The following ZBTB41 variants were observed in gnomAD, a reference collection of about 807,000 sequenced individuals.
ZBTB41 encodes zinc finger and BTB domain-containing protein 41.
A neutral mutation model predicts 87.6 loss-of-function variants in ZBTB41; 42 were observed. The observed-to-expected ratio is 0.48, with a 90% confidence interval of 0.37 to 0.62. The LOEUF (loss-of-function observed/expected upper bound fraction) is 0.62, where lower values mean the gene tolerates loss of function less well. ZBTB41 is among the 20% of genes least tolerant of loss of function. The pLI is 0.00. For missense variants in ZBTB41, 799 were observed against 1,078.9 expected, an observed-to-expected ratio of 0.74 and a Z score of 3.63; for synonymous variants, 364 against 364.0, an observed-to-expected ratio of 1.00 and a Z score of 0.00.
chr1:197,188,854 GGTCA>G (rs1342602903), intron 4 of ZBTB41, among the ~76,000 whole-genome samples: 8 of 152,108 alleles, frequency 5.3e-5, no homozygotes, highest in Non-Finnish European at 1.5e-5. Flanking sequence ...CTCTTGAAGT[GGTCA>G]GTCTAAAAAT....
In ZBTB41 at chr1:197,155,694, C is replaced by T. The variant is rs1211941613; in HGVS notation, c.*3665G>A. 1 of 152,386 alleles carries T rather than the reference C, an allele frequency of 6.6e-6. No individual in the cohort carries two copies. The highest frequency in any genetic ancestry group is 6.6e-5 in the Admixed American group (1 of 15,264). 9.4% of individuals were successfully genotyped at this position (152,386 alleles called of 1,614,324 possible). A position where few individuals can be genotyped will look rare whatever the true frequency, so the allele number is the denominator to read the frequency against. Reference sequence around the variant, plus strand: ...GAGTCACCCTACAAAGATGCTTTGACACTTTTTAAGGTTGATAGAAAATTA... The same window carrying T: ...GAGTCACCCTACAAAGATGCTTTGATACTTTTTAAGGTTGATAGAAAATTA... On this transcript the variant is annotated 3_prime_UTR_variant, in exon 11 of 11. Transcript: ENST00000367405.
At chr1:197,178,203 G>A (rs1332893475) in intron 7 of ZBTB41, among the ~76,000 whole-genome samples, 1 of 151,404 alleles carries the variant, frequency 6.6e-6, no homozygotes, top group Non-Finnish European at 1.5e-5. Flanking sequence ...CTGCAAACTT[G>A]GTGTGAGAAA....
intron 5 of ZBTB41, among the ~76,000 whole-genome samples, chr1:197,187,649 T>A (rs142772784): frequency 3.7e-4 from 56 of 152,268 alleles, no homozygotes; most frequent in Non-Finnish European, 7.5e-4. Flanking sequence ...TCCACAGACA[T>A]GGCACTTATA....
intron 6 of ZBTB41, among the ~76,000 whole-genome samples, chr1:197,179,296 G>T (rs555001525): frequency 6.6e-6 from 1 of 151,968 alleles, no homozygotes; most frequent in Non-Finnish European, 1.5e-5. Flanking sequence ...AGATTACAAC[G>T]GAGCTACACA....
At chr1:197,169,190 T>C (rs553806245) in intron 10 of ZBTB41, among the ~76,000 whole-genome samples, 2 of 152,098 alleles carry the variant, frequency 1.3e-5, no homozygotes, top group Admixed American at 6.5e-5. Flanking sequence ...AAGTAGAACA[T>C]ATGCATATCC....
intron 10 of ZBTB41, among the ~76,000 whole-genome samples, chr1:197,161,600 G>A (rs1408251612): frequency 1.2e-5 from 1 of 83,418 alleles, no homozygotes; most frequent in Non-Finnish European, 2.7e-5. Flanking sequence ...CATTAGAGAG[G>A]CAGTGAGACA....
Position 197,159,592 on chromosome 1 carries a change from G to C in ZBTB41, c.2497C>G (p.Pro833Ala), listed in dbSNP as rs142672827. The change falls in exon 11 of 11, where the codon CCA becomes GCA. Residue 833 changes from proline (P) to alanine (A), a missense_variant. Physicochemically the swap from Pro to Ala is conservative, Grantham distance 27. Coordinates refer to ENST00000367405, the MANE Select transcript of ZBTB41 (RefSeq NM_194314.3). ...DLVRHTTTLPPSSHEILSPQP... is the reference protein window; with the variant it reads ...DLVRHTTTLPASSHEILSPQP... The stretch of plus-strand genomic sequence containing the variant: ...GGTGACAGAATCTCATGAGAAGATG[G>C]TGGGAGTGTGGTAGTATGACGCACT... The C allele has an allele frequency of 2.2e-5, 35 of 1,613,830 alleles. No individual in the cohort carries two copies. Among genetic ancestry groups the C allele is most frequent in the Non-Finnish European group, 2.8e-5 (33 of 1,179,886 alleles).
Position 197,200,026 on chromosome 1 carries a change from C to CA in ZBTB41, c.447dup (p.Val150CysfsTer5). The CA allele has an allele frequency of 6.2e-7, 1 of 1,612,820 alleles. No individual in the cohort carries two copies. Among genetic ancestry groups the CA allele is most frequent in the Non-Finnish European group, 8.5e-7 (1 of 1,179,748 alleles). ...ACAAGAGGTATTTCATATTTGTACACAAAAAATTCTGATGTGTAAAGAAAT... is the reference window on the plus strand; with the variant it reads ...ACAAGAGGTATTTCATATTTGTACACAAAAAAATTCTGATGTGTAAAGAAAT... On this transcript the variant is annotated frameshift_variant, in exon 2 of 11. Coordinates refer to ENST00000367405, the MANE Select transcript of ZBTB41 (RefSeq NM_194314.3). LOFTEE classifies it high-confidence loss of function.
In ZBTB41 at chr1:197,158,628, GT is replaced by G. The variant is rs780196857; in HGVS notation, c.*730del. 6.6e-6 allele frequency: 1 copy of G among 151,988 alleles called. No homozygotes were observed. Among genetic ancestry groups the G allele is most frequent in the Non-Finnish European group, 1.5e-5 (1 of 67,930 alleles). The allele number at this position is 151,988 out of a possible 1,614,324, so 9.4% of individuals were successfully genotyped here. The stretch of plus-strand genomic sequence containing the variant: ...ATATTTTTCTTGTAACACATTTTCA[GT>G]TTGTATAATTTAATGCCCAGACCTA... On this transcript the variant is annotated 3_prime_UTR_variant, in exon 11 of 11. Coordinates refer to ENST00000367405, the MANE Select transcript of ZBTB41 (RefSeq NM_194314.3).
chr1:197,200,563 G>A lies in ZBTB41; in HGVS notation c.-90C>T. ...TAGATTGTCTTGGATAACAGCTTCT[G>A]AAGGGGCGTGCCCAAGGGTTTCATG... On this transcript the variant is annotated 5_prime_UTR_variant, in exon 2 of 11. It introduces an in-frame stop codon into an upstream open reading frame of the 5' UTR. Coordinates refer to ENST00000367405, the MANE Select transcript of ZBTB41 (RefSeq NM_194314.3). 1 of 1,314,402 alleles carries A rather than the reference G, an allele frequency of 7.6e-7. No homozygotes were observed. Among genetic ancestry groups the A allele is most frequent in the Admixed American group, 2.6e-5 (1 of 38,750 alleles). The allele number at this position is 1,314,402 out of a possible 1,614,324, so 81.4% of individuals were successfully genotyped here.
In ZBTB41 at chr1:197,160,165, A is replaced by G. The variant is rs75369765; in HGVS notation, c.2075-151T>C. 1,059 of 629,882 alleles carry G rather than the reference A, an allele frequency of 1.7e-3. 20 individuals carry two copies. The East Asian group carries it at 0.028, about 16-fold the overall frequency. The allele number at this position is 629,882 out of a possible 1,614,324, so 39.0% of individuals were successfully genotyped here. A position where few individuals can be genotyped will look rare whatever the true frequency, so the allele number is the denominator to read the frequency against. ...ACTATCACAAAATGCAGACAGTACA[A>G]TAAACTGGTAAAAATAAGAAGCTTA... On this transcript the variant is annotated intron_variant, in intron 10 of 10. Transcript: ENST00000367405.
intron 9 of ZBTB41, among the ~76,000 whole-genome samples, chr1:197,173,813 T>C (rs1226490277): frequency 1.3e-5 from 2 of 152,074 alleles, no homozygotes; most frequent in South Asian, 2.1e-4. Context: ...AAAGAGGAAG[T>C]AGTACTCGAC....
chr1:197,174,944 A>G, intron 9 of ZBTB41, 66 bp downstream of exon 9: 1 of 1,339,160 alleles, frequency 7.5e-7, no homozygotes, highest in Admixed American at 2.0e-5. Flanking sequence ...GTAAACAAAA[A>G]AAGTTACAAC....
chr1:197,173,334 C>T (rs939231251), intron 9 of ZBTB41, among the ~76,000 whole-genome samples: 1 of 152,072 alleles, frequency 6.6e-6, no homozygotes, highest in African/African-American at 2.4e-5. Context: ...ATTCATCCAA[C>T]CCAACATTTA....
At chr1:197,176,406 T>C (rs1056567357) in intron 8 of ZBTB41, among the ~76,000 whole-genome samples, 158 bp downstream of exon 8, 3 of 152,092 alleles carry the variant, frequency 2.0e-5, no homozygotes, top group African/African-American at 4.8e-5. Flanking sequence ...CCCTTTTGGA[T>C]GCTTTTTAAA....
chr1:197,193,012 GA>G, intron 2 of ZBTB41, among the ~76,000 whole-genome samples: 1 of 152,158 alleles, frequency 6.6e-6, no homozygotes, highest in East Asian at 1.9e-4. Context: ...CACAAGCAAA[GA>G]AAACAGAAGT....
intron 5 of ZBTB41, 119 bp from the exon 6 acceptor site, chr1:197,181,236 G>A: frequency 1.2e-6 from 1 of 827,604 alleles, no homozygotes; most frequent in East Asian, 3.0e-5. Context: ...ATAATACACT[G>A]CAATTTCTCT....
chr1:197,185,919 G>A (rs1218226995), intron 5 of ZBTB41, among the ~76,000 whole-genome samples: 2 of 152,078 alleles, frequency 1.3e-5, no homozygotes, highest in African/African-American at 4.8e-5. Context: ...TACATTCAAT[G>A]CAATCCCAAT....
intron 4 of ZBTB41, 23 bp downstream of exon 4, chr1:197,190,739 T>C (rs747723832): frequency 1.7e-5 from 26 of 1,502,618 alleles, no homozygotes; most frequent in Non-Finnish European, 1.5e-5. Context: ...GTTTTCTAAT[T>C]TGTTTTAATT....
Sources: allele counts gnomAD v4.1 joint callset (sites outside exome capture counted in the v4.1 genomes callset), GRCh38; gene constraint gnomAD v4.1.1; transcripts MANE v1.5; gene names NCBI Gene and HGNC (gene_info 2026-07-23, HGNC 2026-07-21).